ESRRG: variants seen among roughly 807,000 people sequenced by gnomAD.
ESRRG encodes the protein estrogen-related receptor gamma.
A neutral mutation model predicts 44.0 loss-of-function variants in ESRRG; 13 were observed. The observed-to-expected ratio is 0.30, with a 90% CI of 0.19 to 0.47. The LOEUF (loss-of-function observed/expected upper bound fraction) is 0.47. Among genes scored for constraint, ESRRG ranks in the 20% least tolerant of loss-of-function variants. The pLI, the probability that ESRRG is intolerant of heterozygous loss-of-function variation, is 1.00. For missense variants in ESRRG, 395 were observed against 580.6 expected (o/e 0.68, Z 3.29); for synonymous variants, 215 against 214.6 (o/e 1.00, Z -0.02).
upstream of ESRRG, among the ~76,000 whole-genome samples, chr1:216,724,493 C>G: frequency 6.6e-6 from 1 of 150,656 alleles, no homozygotes; most frequent in Admixed American, 6.7e-5. Flanking sequence ...TTACCCAAAA[C>G]ATCCTGCTTT....
intron 2 of ESRRG, among the ~76,000 whole-genome samples, chr1:216,757,347 A>C (rs1380328741): frequency 6.6e-6 from 1 of 152,058 alleles, no homozygotes; most frequent in African/African-American, 2.4e-5. Context: ...TACACAATGA[A>C]GTGTAAAACT....
At chr1:216,686,742 C>T (rs138173421) in intron 1 of ESRRG, among the ~76,000 whole-genome samples, 67 of 152,302 alleles carry the variant, frequency 4.4e-4, no homozygotes, top group African/African-American at 1.5e-3. Flanking sequence ...TGGGTTCTAG[C>T]TCTGGATCCA....
intron 2 of ESRRG, among the ~76,000 whole-genome samples, chr1:216,822,607 G>A (rs1423296202): frequency 6.6e-6 from 1 of 152,150 alleles, no homozygotes; most frequent in East Asian, 1.9e-4. Flanking sequence ...AATTAGGCAG[G>A]TGTGTGGAAG....
At chr1:217,074,980 T>C (rs1189931120) in intron 1 of ESRRG, among the ~76,000 whole-genome samples, 2 of 152,148 alleles carry the variant, frequency 1.3e-5, no homozygotes, top group African/African-American at 2.4e-5. Context: ...CATCTCTCAG[T>C]ATCCTTGGGG....
At chr1:216,574,290 C>T (rs750047072) in intron 3 of ESRRG, among the ~76,000 whole-genome samples, 14 of 152,016 alleles carry the variant, frequency 9.2e-5, no homozygotes, top group South Asian at 2.1e-4. Context: ...AAGGGAATTA[C>T]AAATCTTATA....
At chr1:216,685,282 A>G (rs2151629001) in intron 1 of ESRRG, among the ~76,000 whole-genome samples, 1 of 152,344 alleles carries the variant, frequency 6.6e-6, no homozygotes, top group Non-Finnish European at 1.5e-5. Context: ...AATCATTAAA[A>G]TGAAGCTTAC....
intron 2 of ESRRG, among the ~76,000 whole-genome samples, chr1:216,654,956 T>C (rs2070067231): frequency 6.6e-6 from 1 of 152,234 alleles, no homozygotes; most frequent in Non-Finnish European, 1.5e-5. Context: ...TAATAGTAGC[T>C]AAATCTATGA....
intron 3 of ESRRG, among the ~76,000 whole-genome samples, chr1:216,589,853 G>A (rs532344226): frequency 1.4e-5 from 2 of 137,942 alleles, no homozygotes; most frequent in Non-Finnish European, 3.0e-5. Context: ...GCAGTGAGCC[G>A]AGATCGTGCC....
intron 1 of ESRRG, among the ~76,000 whole-genome samples, chr1:217,068,520 T>A (rs924366993): frequency 6.6e-6 from 1 of 152,172 alleles, no homozygotes; most frequent in African/African-American, 2.4e-5. Flanking sequence ...AGTCTTCGGC[T>A]ATATTTTTTT....
intron 1 of ESRRG, among the ~76,000 whole-genome samples, chr1:217,018,033 A>G (rs1164401673): frequency 6.6e-6 from 1 of 152,204 alleles, no homozygotes; most frequent in Non-Finnish European, 1.5e-5. Context: ...AAAAATAAAA[A>G]CCAACAACAA....
At chr1:216,869,135 C>T (rs1055133545) in intron 2 of ESRRG, among the ~76,000 whole-genome samples, 3 of 152,058 alleles carry the variant, frequency 2.0e-5, no homozygotes, top group African/African-American at 7.2e-5. Flanking sequence ...AACTTTTTGC[C>T]TAACCCTAGA....
chr1:216,596,537 G>A (rs1237166204), intron 3 of ESRRG, among the ~76,000 whole-genome samples: 1 of 152,158 alleles, frequency 6.6e-6, no homozygotes, highest in East Asian at 1.9e-4. Context: ...AGTGCAGGGA[G>A]GGAGAGTGGG....
intron 1 of ESRRG, among the ~76,000 whole-genome samples, chr1:216,719,510 T>A (rs1418023699): frequency 1.3e-5 from 2 of 152,042 alleles, no homozygotes; most frequent in African/African-American, 4.8e-5. Context: ...TTTTTAAACC[T>A]TCTTTTCTTT....
intron 2 of ESRRG, among the ~76,000 whole-genome samples, chr1:216,866,057 G>A (rs543162753): frequency 2.0e-5 from 3 of 152,240 alleles, no homozygotes; most frequent in African/African-American, 4.8e-5. Context: ...AGATATTTGT[G>A]TTAACACAGA....
At chr1:217,047,199 T>G (rs1404688446) in intron 1 of ESRRG, among the ~76,000 whole-genome samples, 1 of 152,154 alleles carries the variant, frequency 6.6e-6, no homozygotes, top group African/African-American at 2.4e-5. Flanking sequence ...CTACCAACTT[T>G]ATGATTATAA....
intron 3 of ESRRG, among the ~76,000 whole-genome samples, chr1:216,622,363 G>A (rs1019125243): frequency 1.3e-5 from 2 of 152,140 alleles, no homozygotes; most frequent in Non-Finnish European, 2.9e-5. Context: ...GAACCCTGAT[G>A]GCTGGTGCCT....
At chr1:216,946,119 G>A (rs2066009024) in intron 1 of ESRRG, among the ~76,000 whole-genome samples, 1 of 152,166 alleles carries the variant, frequency 6.6e-6, no homozygotes, top group African/African-American at 2.4e-5. Flanking sequence ...TCCAAAAATA[G>A]CAATTGACGT....
intron 1 of ESRRG, among the ~76,000 whole-genome samples, chr1:217,120,580 G>C (rs118061311): frequency 1.2e-4 from 19 of 152,024 alleles, no homozygotes; most frequent in African/African-American, 4.6e-4. Context: ...TCAGCGTCTA[G>C]CCCCTACCTC....
chr1:216,668,212 C>T (rs2074391498), intron 2 of ESRRG, among the ~76,000 whole-genome samples: 2 of 152,170 alleles, frequency 1.3e-5, no homozygotes, highest in Non-Finnish European at 2.9e-5. Context: ...AAGAAGGTTA[C>T]CCTTTTGCAA....
Sources: gnomAD v4.1 joint callset for allele counts (sites outside exome capture counted in the v4.1 genomes callset) on GRCh38, gnomAD v4.1.1 for gene constraint, MANE v1.5 for transcripts, NCBI Gene and HGNC (gene_info 2026-07-23, HGNC 2026-07-21) for gene names.